TP53BP1: variants seen among roughly 807,000 people sequenced by gnomAD.
TP53BP1 encodes the protein tumor protein p53 binding protein 1.
In TP53BP1, 61 loss-of-function variants were observed where a neutral mutation model predicts 200.8. The ratio of observed to expected loss-of-function variants is 0.30; its 90% CI spans 0.25 to 0.38. The LOEUF (loss-of-function observed/expected upper bound fraction) is 0.38. Ranked by LOEUF, TP53BP1 falls within the 10% of genes least tolerant of loss-of-function variation. TP53BP1 has a pLI of 1.00. For synonymous variants in TP53BP1, 822 were observed against 844.3 expected, an observed-to-expected ratio of 0.97 and a Z score of 0.46; for missense variants, 2,144 against 2,371.9, an observed-to-expected ratio of 0.90 and a Z score of 2.00.
At chr15:43,428,919 C>T (rs1458206382) in intron 17 of TP53BP1, among the ~76,000 whole-genome samples, 2 of 152,084 alleles carry the variant, frequency 1.3e-5, no homozygotes, top group Non-Finnish European at 2.9e-5. Flanking sequence ...AAATATTTAT[C>T]GAATAACTTA....
rs1382983041 is a variant in TP53BP1 at position 43,427,958 on chromosome 15, A to AG, written c.3828+57_3828+58insC. 4 of 161,834 alleles carry AG rather than the reference A, an allele frequency of 2.5e-5. No individual in the cohort carries two copies. The Admixed American group carries it at 3.6e-4, about 15-fold the overall frequency. The allele number at this position is 161,834 out of a possible 1,614,324, so 10.0% of individuals were successfully genotyped here. A position where few individuals can be genotyped will look rare whatever the true frequency, so the allele number is the denominator to read the frequency against. Reference sequence around the variant, plus strand: ...GGTAACAAAGTAAGACCCTGTCTCCAAAAAAAAAAAAAAAAGAAAGAAAGA... The same window carrying AG: ...GGTAACAAAGTAAGACCCTGTCTCCAGAAAAAAAAAAAAAAAGAAAGAAAGA... On this transcript the variant is annotated intron_variant, in intron 18 of 27. Coordinates refer to ENST00000382044, the MANE Select transcript of TP53BP1 (RefSeq NM_001141980.3).
chr15:43,509,840 A>C (rs28628574), intron 1 of TP53BP1, among the ~76,000 whole-genome samples: 22,026 of 152,042 alleles, frequency 0.14, 1,779 homozygotes, highest in East Asian at 0.23. Flanking sequence ...ACAAAAAAAA[A>C]CCCAAAAACC....
chr15:43,444,576 A>G (rs775565654), intron 14 of TP53BP1, among the ~76,000 whole-genome samples: 8 of 152,190 alleles, frequency 5.3e-5, no homozygotes, highest in Non-Finnish European at 1.0e-4. Flanking sequence ...TTTACTAGCT[A>G]TGTTTAGGGA....
In TP53BP1 at chr15:43,423,904, C is replaced by T. The variant is rs373259174; in HGVS notation, c.3829-1778G>A. On this transcript the variant is annotated intron_variant, in intron 18 of 27. Transcript: ENST00000382044. The stretch of plus-strand genomic sequence containing the variant: ...CCTTTAAAATCGGTATTTCCCAGGA[C>T]TCTGTTTTTATTCCTTTTCTCACTC... 1.6e-4 allele frequency among the ~76,000 whole-genome samples: 24 copies of T among 152,168 alleles called. 1 individual carries two copies. The South Asian group carries it at 5.0e-3, about 32-fold the overall frequency.
In TP53BP1 at chr15:43,456,947, T is replaced by C. The variant is rs1448936115; in HGVS notation, c.1661A>G (p.Glu554Gly). The change falls in exon 12 of 28, where the codon GAA becomes GGA. Residue 554 changes from glutamate to glycine, a missense_variant. This residue lies in a region of TP53BP1 where 1,700 missense variants were observed against 1,710.3 expected (regional missense o/e 0.99). Transcript: ENST00000382044. ...AGAATTGAGAACTGGAGACATGGGTTCCGTATCCTCAATCTGTGTGTTTTC... is the reference window on the plus strand; with the variant it reads ...AGAATTGAGAACTGGAGACATGGGTCCCGTATCCTCAATCTGTGTGTTTTC... ...DGENTQIEDT[E>G]PMSPVLNSKF... 1.2e-6 allele frequency: 2 copies of C among 1,614,198 alleles called. No homozygotes were observed. The highest frequency in any genetic ancestry group is 1.7e-6 in the Non-Finnish European group (2 of 1,180,042).
intron 19 of TP53BP1, 80 bp downstream of exon 19, chr15:43,421,775 C>T (rs1467149985): frequency 6.6e-7 from 1 of 1,515,784 alleles, no homozygotes; most frequent in African/African-American, 1.4e-5. Flanking sequence ...TTTCCCATTA[C>T]TCCCCTTTTC....
intron 19 of TP53BP1, chr15:43,421,522 T>A: frequency 2.1e-6 from 1 of 473,328 alleles, no homozygotes; most frequent in Non-Finnish European, 3.7e-6. Flanking sequence ...AAGTTTGGGC[T>A]ACTATCCCAA....
intron 1 of TP53BP1, among the ~76,000 whole-genome samples, chr15:43,507,453 A>G (rs570497022): frequency 1.3e-5 from 2 of 152,252 alleles, no homozygotes; most frequent in South Asian, 4.1e-4. Flanking sequence ...TCTTTGTTCA[A>G]TATGCCAAGA....
rs569139813 is a variant in TP53BP1, at chr15:43,448,598, A to G, written c.2717-1113T>C. On this transcript the variant is annotated intron_variant, in intron 12 of 27. Coordinates refer to ENST00000382044, the MANE Select transcript of TP53BP1 (RefSeq NM_001141980.3). ...TCTGTCGCCCAGGCTGGAGTGCAGT[A>G]GCTCGATCTCGGCTCACTGCCAGCT... Among the ~76,000 whole-genome samples the G allele has an allele frequency of 2.7e-5, 4 of 150,610 alleles. No individual in the cohort carries two copies. In the East Asian group the frequency reaches 7.9e-4, roughly 30 times the overall value.
In TP53BP1 at chr15:43,480,029, A is replaced by G; in HGVS notation, c.500-12T>C. On this transcript the variant is annotated splice_polypyrimidine_tract_variant and intron_variant, in intron 5 of 27. Transcript: ENST00000382044. ...TGATGAGGCAGTATCTAGGAACAAA[A>G]TGCCAAGAAATTAGGTATCATCCCA... 1.2e-6 allele frequency: 2 copies of G among 1,613,106 alleles called. No individual in the cohort carries two copies. Among genetic ancestry groups the G allele is most frequent in the African/African-American group, 2.7e-5 (2 of 75,012 alleles).
chr15:43,446,554 C>T lies in TP53BP1; in HGVS notation c.2873G>A (p.Ser958Asn). The T allele has an allele frequency of 6.2e-7, 1 of 1,614,150 alleles. No individual in the cohort carries two copies. The highest frequency in any genetic ancestry group is 8.5e-7 in the Non-Finnish European group (1 of 1,180,020). The change falls in exon 14 of 28, where the codon AGT becomes AAT. Residue 958 changes from serine (S) to asparagine (N), a missense_variant. Around this residue, in one of 4 missense-constraint regions of TP53BP1, gnomAD observed 1,700 missense variants for 1,710.3 expected, o/e 0.99. Transcript: ENST00000382044. ...SNYPESTIATSDVMSESMVET... is the reference protein window; with the variant it reads ...SNYPESTIATNDVMSESMVET... ...CACCATGCTTTCAGACATGACATCA[C>T]TGGTTGCTATGGTGCTTTCTGGATA...
Position 43,403,665 on chromosome 15 carries a change from A to G in TP53BP1, c.*3718T>C. 2 of 1,581,768 alleles carry G rather than the reference A, an allele frequency of 1.3e-6. No homozygotes were observed. The highest frequency in any genetic ancestry group is 1.7e-6 in the Non-Finnish European group (2 of 1,153,226). ...TACCTTCCTTCCTTTCCTAATGCCAACTCTGTTTCCCGGGTAGGTGTTTCA... is the reference window on the plus strand; with the variant it reads ...TACCTTCCTTCCTTTCCTAATGCCAGCTCTGTTTCCCGGGTAGGTGTTTCA... On this transcript the variant is annotated 3_prime_UTR_variant, in exon 28 of 28. Coordinates refer to ENST00000382044, the MANE Select transcript of TP53BP1 (RefSeq NM_001141980.3).
At chr15:43,468,084 C>G (rs2046634368) in intron 11 of TP53BP1, among the ~76,000 whole-genome samples, 1 of 151,810 alleles carries the variant, frequency 6.6e-6, no homozygotes, top group Admixed American at 6.6e-5. Flanking sequence ...CACACCTGGT[C>G]AGATTTATAA....
chr15:43,497,781 T>C (rs1187091101), upstream of TP53BP1, among the ~76,000 whole-genome samples: 2 of 152,184 alleles, frequency 1.3e-5, no homozygotes, highest in African/African-American at 4.8e-5. Flanking sequence ...TTTGGGAAGA[T>C]GAAAAAGTTC....
intron 11 of TP53BP1, among the ~76,000 whole-genome samples, chr15:43,464,276 CTG>C (rs2046509623): frequency 6.6e-6 from 1 of 152,096 alleles, no homozygotes; most frequent in Non-Finnish European, 1.5e-5. Context: ...CAGAAGAAAA[CTG>C]TTATTAATAC....
At chr15:43,479,638 T>C (rs2078934262) in intron 6 of TP53BP1, 112 bp from the exon 7 acceptor site, 1 of 1,256,734 alleles carries the variant, frequency 8.0e-7, no homozygotes, top group Non-Finnish European at 1.1e-6. Flanking sequence ...CAATTTAAAA[T>C]ATATACAGGC....
At chr15:43,460,537 G>C (rs2046404910) in intron 11 of TP53BP1, among the ~76,000 whole-genome samples, 1 of 152,132 alleles carries the variant, frequency 6.6e-6, no homozygotes, top group African/African-American at 2.4e-5. Flanking sequence ...AGGATTACAG[G>C]CATGAGCCAC....
rs989849063 is a variant in TP53BP1 at position 43,475,674 on chromosome 15, T to C, written c.976A>G (p.Thr326Ala). 2.5e-6 allele frequency: 4 copies of C among 1,613,520 alleles called. No individual in the cohort carries two copies. The highest frequency in any genetic ancestry group is 3.4e-6 in the Non-Finnish European group (4 of 1,179,920). The change falls in exon 9 of 28, where the codon ACT becomes GCT. Residue 326 changes from threonine (T) to alanine (A), a missense_variant. By Grantham distance (58) the Thr-to-Ala change is moderately conservative (BLOSUM62 0). Around this residue, in one of 4 missense-constraint regions of TP53BP1, gnomAD observed 1,700 missense variants for 1,710.3 expected, o/e 0.99. Transcript: ENST00000382044. ...CACCCACCTTCCTCCCTTGAAGGAG[T>C]AGAGCAACCATCAGAAGATACTGAA... The part of the protein sequence containing the change: ...NKTVSSDGCS[T>A]PSREEGGCSL...
chr15:43,407,178 A>AGAT lies in TP53BP1; in HGVS notation c.*202_*204dup. On this transcript the variant is annotated 3_prime_UTR_variant, in exon 28 of 28. Coordinates refer to ENST00000382044, the MANE Select transcript of TP53BP1 (RefSeq NM_001141980.3). ...GTACTATGTCTTGTCATTTGTTCTG[A>AGAT]GATTAAGCTCAAAAAAACAGATGAA... 3 of 555,002 alleles carry AGAT rather than the reference A, an allele frequency of 5.4e-6. No homozygotes were observed. The highest frequency in any genetic ancestry group is 5.9e-5 in the East Asian group (2 of 33,686). 34.4% of individuals were successfully genotyped at this position (555,002 alleles called of 1,614,324 possible).
Sources: allele counts gnomAD v4.1 joint callset (sites outside exome capture counted in the v4.1 genomes callset), GRCh38; gene constraint gnomAD v4.1.1; regional missense constraint gnomAD v4.1.1; transcripts MANE v1.5; gene names NCBI Gene and HGNC (gene_info 2026-07-23, HGNC 2026-07-21).